GXYLT1: variants seen among roughly 807,000 people sequenced by gnomAD.
The protein encoded by GXYLT1 is glycosyltransferase 8 domain containing 3.
In GXYLT1, 29 loss-of-function variants were observed where a neutral mutation model predicts 54.0. That is an observed-to-expected ratio of 0.54 (90% CI 0.40 to 0.73). GXYLT1 has a LOEUF of 0.73. GXYLT1 is among the 30% of genes least tolerant of loss of function. GXYLT1 has a pLI of 0.00. For missense variants in GXYLT1, 490 were observed against 553.4 expected, an observed-to-expected ratio of 0.89 and a Z score of 1.15; for synonymous variants, 176 against 204.1, an observed-to-expected ratio of 0.86 and a Z score of 1.17.
intron 1 of GXYLT1, among the ~76,000 whole-genome samples, chr12:42,143,000 T>C (rs944074193): frequency 3.3e-5 from 5 of 152,234 alleles, no homozygotes; most frequent in African/African-American, 1.2e-4. Flanking sequence ...GTAATGATTA[T>C]ATTGGATGTT....
chr12:42,133,981 G>A (rs541128981), intron 1 of GXYLT1, among the ~76,000 whole-genome samples: 1 of 152,158 alleles, frequency 6.6e-6, no homozygotes, highest in South Asian at 2.1e-4. Flanking sequence ...TGGATCGCTT[G>A]AGCCCAGGAG....
At chr12:42,144,329 G>A in intron 1 of GXYLT1, 97 bp downstream of exon 1, 2 of 731,824 alleles carry the variant, frequency 2.7e-6, no homozygotes, top group Non-Finnish European at 3.8e-6. Context: ...AAAGACGCGG[G>A]AGACGCGGCA....
intron 5 of GXYLT1, among the ~76,000 whole-genome samples, chr12:42,099,780 G>A (rs1289032710): frequency 2.6e-5 from 4 of 152,172 alleles, no homozygotes; most frequent in Non-Finnish European, 5.9e-5. Context: ...AGCCTGGGAG[G>A]TGGAGGTTTG....
intron 7 of GXYLT1, among the ~76,000 whole-genome samples, chr12:42,090,837 C>T (rs1214113774): frequency 6.6e-6 from 1 of 152,178 alleles, no homozygotes; most frequent in African/African-American, 2.4e-5. Context: ...GAATGAAATG[C>T]ATGATGCAGA....
intron 5 of GXYLT1, among the ~76,000 whole-genome samples, chr12:42,098,311 T>C (rs769130539): frequency 7.9e-5 from 12 of 152,146 alleles, no homozygotes; most frequent in Non-Finnish European, 1.6e-4. Context: ...GAAGATAGTT[T>C]TGGTACCTAC....
intron 5 of GXYLT1, among the ~76,000 whole-genome samples, chr12:42,104,060 G>A (rs2065404989): frequency 6.6e-6 from 1 of 152,050 alleles, no homozygotes; most frequent in Non-Finnish European, 1.5e-5. Context: ...ACCAGCCTGG[G>A]CAACTCTTTT....
chr12:42,107,028 C>T lies in GXYLT1; in HGVS notation c.613-959G>A, dbSNP rs868014769. Among the ~76,000 whole-genome samples, 495 of 151,790 alleles carry T rather than the reference C, an allele frequency of 3.3e-3. 1 individual carries two copies. The highest frequency in any genetic ancestry group is 0.011 in the African/African-American group (460 of 41,502). On this transcript the variant is annotated intron_variant, in intron 4 of 7. Transcript: ENST00000398675. ...TCCCCAAGTGCTGGGATTACAGGCA[C>T]GAGCCACTGTGCCCAATCAAGGATA...
rs1420419693 is a variant in GXYLT1 at position 42,115,609 on chromosome 12, C to T, written c.486+3391G>A. Among the ~76,000 whole-genome samples the T allele has an allele frequency of 1.7e-4, 26 of 152,066 alleles. No homozygotes were observed. In the East Asian group the frequency reaches 4.5e-3, roughly 26 times the overall value. On this transcript the variant is annotated intron_variant, in intron 3 of 7. Transcript: ENST00000398675. Reference sequence around the variant, plus strand: ...GACCTCTTCAAGGACAACTACAAACCACTGCTCAATGAAATAAAAGAGGAT... The same window carrying T: ...GACCTCTTCAAGGACAACTACAAACTACTGCTCAATGAAATAAAAGAGGAT...
chr12:42,083,887 G>C lies in GXYLT1; in HGVS notation c.*3899C>G, dbSNP rs1320135832. Reference sequence around the variant, plus strand: ...CACTGGGGAATATGTAGTTAGTCTTGCAGTCTAACACTTGGGATGGCTAAA... The same window carrying C: ...CACTGGGGAATATGTAGTTAGTCTTCCAGTCTAACACTTGGGATGGCTAAA... On this transcript the variant is annotated 3_prime_UTR_variant, in exon 8 of 8. Transcript: ENST00000398675. The C allele has an allele frequency of 6.6e-6, 1 of 152,082 alleles. No homozygotes were observed. Among genetic ancestry groups the C allele is most frequent in the African/African-American group, 2.4e-5 (1 of 41,392 alleles). The allele number at this position is 152,082 out of a possible 1,614,324, so 9.4% of individuals were successfully genotyped here. A position where few individuals can be genotyped will look rare whatever the true frequency, so the allele number is the denominator to read the frequency against.
chr12:42,110,117 A>G (rs754569901), intron 3 of GXYLT1, among the ~76,000 whole-genome samples: 4 of 152,256 alleles, frequency 2.6e-5, no homozygotes, highest in African/African-American at 9.6e-5. Flanking sequence ...ATATGAAACT[A>G]GTTAAAAAAT....
chr12:42,094,935 G>A (rs1177061684), intron 7 of GXYLT1, among the ~76,000 whole-genome samples: 1 of 151,972 alleles, frequency 6.6e-6, no homozygotes, highest in Non-Finnish European at 1.5e-5. Context: ...GAACTTTGTG[G>A]TATATAAATT....
At chr12:42,109,977 C>T (rs1052589404) in intron 3 of GXYLT1, among the ~76,000 whole-genome samples, 1 of 152,172 alleles carries the variant, frequency 6.6e-6, no homozygotes, top group African/African-American at 2.4e-5. Context: ...GCAAGTTTGT[C>T]TTCCTCAACT....
intron 7 of GXYLT1, among the ~76,000 whole-genome samples, chr12:42,091,981 G>A (rs2065331789): frequency 1.3e-5 from 2 of 152,112 alleles, no homozygotes; most frequent in Admixed American, 6.6e-5. Flanking sequence ...TGTCAGCCCA[G>A]ACTGCCTCCA....
At chr12:42,143,398 A>G (rs923985433) in intron 1 of GXYLT1, among the ~76,000 whole-genome samples, 3 of 152,204 alleles carry the variant, frequency 2.0e-5, no homozygotes, top group African/African-American at 7.2e-5. Flanking sequence ...TAAAAACATG[A>G]CAAGTCCGCT....
rs34628599 is a variant in GXYLT1 at position 42,137,503 on chromosome 12, C to CAAAA, written c.221+6919_221+6922dup. Among the ~76,000 whole-genome samples, 313 of 71,584 alleles carry CAAAA rather than the reference C, an allele frequency of 4.4e-3. 8 individuals are homozygous for CAAAA. The highest frequency in any genetic ancestry group is 0.012 in the East Asian group (29 of 2,398). 47.0% of individuals were successfully genotyped at this position (71,584 alleles called of 152,430 possible). ...CGCCTGGGCGACAGAGCATCTGTTT[C>CAAAA]AAAAAAAAAAAAAAAAAAAAAAGCG... On this transcript the variant is annotated intron_variant, in intron 1 of 7. Coordinates refer to ENST00000398675, the MANE Select transcript of GXYLT1 (RefSeq NM_173601.2).
intron 7 of GXYLT1, among the ~76,000 whole-genome samples, chr12:42,091,337 C>T (rs915740022): frequency 1.3e-5 from 2 of 151,734 alleles, no homozygotes; most frequent in African/African-American, 2.4e-5. Flanking sequence ...AACTATTACT[C>T]GTATTTTTAA....
intron 1 of GXYLT1, among the ~76,000 whole-genome samples, chr12:42,138,402 G>A (rs1294022806): frequency 6.6e-6 from 1 of 152,086 alleles, no homozygotes; most frequent in African/African-American, 2.4e-5. Context: ...TGGCAAGTAG[G>A]AAAAGGACTG....
In GXYLT1 at chr12:42,108,043, AT is replaced by A. The variant is rs532068719; in HGVS notation, c.612+1522del. 4.9e-3 allele frequency among the ~76,000 whole-genome samples: 739 copies of A among 152,356 alleles called. 7 individuals are homozygous for A. The highest frequency in any genetic ancestry group is 0.017 in the African/African-American group (713 of 41,582). The stretch of plus-strand genomic sequence containing the variant: ...CAAAAAAGTTTATCACTATAAAAAA[AT>A]AAAGCACCAATTTACTTAAATCTGG... On this transcript the variant is annotated intron_variant, in intron 4 of 7. Coordinates refer to ENST00000398675, the MANE Select transcript of GXYLT1 (RefSeq NM_173601.2).
At chr12:42,122,646 G>A (rs2075618646) in intron 2 of GXYLT1, among the ~76,000 whole-genome samples, 1 of 152,068 alleles carries the variant, frequency 6.6e-6, no homozygotes, top group South Asian at 2.1e-4. Context: ...AAAGGGGTAA[G>A]AAGAGGGAAC....
Sources: allele counts gnomAD v4.1 joint callset (sites outside exome capture counted in the v4.1 genomes callset), GRCh38; gene constraint gnomAD v4.1.1; transcripts MANE v1.5; gene names NCBI Gene and HGNC (gene_info 2026-07-23, HGNC 2026-07-21).